SWT1: variants seen among roughly 807,000 people sequenced by gnomAD.
SWT1 encodes SWT1 RNA endoribonuclease homolog, also known as transcriptional protein SWT1.
SWT1 carries 33 observed loss-of-function variants against 107.3 expected under a neutral mutation model. The observed-to-expected ratio is 0.31, with a 90% CI of 0.23 to 0.41. SWT1 has a LOEUF of 0.41. Among genes scored for constraint, SWT1 ranks in the 10% least tolerant of loss-of-function variants. The pLI is 1.00. For synonymous variants in SWT1, 345 were observed against 348.3 expected (o/e 0.99, Z 0.11); for missense variants, 898 against 1,028.9 (o/e 0.87, Z 1.74).
chr1:185,186,126 GGTTGA>G (rs1656444301), intron 9 of SWT1, among the ~76,000 whole-genome samples: 1 of 152,106 alleles, frequency 6.6e-6, no homozygotes. Flanking sequence ...TGTGAAGATT[GGTTGA>G]GTTAATATAT....
intron 17 of SWT1, among the ~76,000 whole-genome samples, chr1:185,272,743 G>C (rs974662891): frequency 2.6e-5 from 4 of 152,220 alleles, no homozygotes; most frequent in Admixed American, 1.3e-4. Flanking sequence ...CAGGCACAGA[G>C]AACTAGTCTT....
chr1:185,163,432 C>T (rs576051491), intron 2 of SWT1, among the ~76,000 whole-genome samples: 11 of 144,554 alleles, frequency 7.6e-5, no homozygotes, highest in African/African-American at 2.3e-4. Flanking sequence ...CTCACTGTGT[C>T]TCCCAGGCTG....
intron 18 of SWT1, among the ~76,000 whole-genome samples, chr1:185,277,900 T>C (rs1409316007): frequency 6.6e-6 from 1 of 152,210 alleles, no homozygotes; most frequent in East Asian, 1.9e-4. Flanking sequence ...TATCACACTA[T>C]ATACTTTTTT....
chr1:185,189,077 C>G (rs974757144), intron 9 of SWT1, among the ~76,000 whole-genome samples: 2 of 152,150 alleles, frequency 1.3e-5, no homozygotes, highest in Admixed American at 1.3e-4. Flanking sequence ...CTCCTGAGCT[C>G]AAGTGGTCCT....
rs367903898 is a variant in SWT1, at chr1:185,221,871, A to G, written c.2144A>G (p.Asn715Ser). Residue 715 changes from asparagine (N) to serine (S), a missense_variant, in exon 15 of 19, where the codon AAT becomes AGT. Physicochemically the swap from Asn to Ser is conservative, Grantham distance 46 (BLOSUM62 1). Around this residue, in one of 6 missense-constraint regions of SWT1, gnomAD observed 382 missense variants for 460.0 expected, o/e 0.83. Coordinates refer to ENST00000367500, the MANE Select transcript of SWT1 (RefSeq NM_017673.7). ...CAGGTCAAGACAAAACTTAAGCCAA[A>G]TTCTTCAGAAAACACAGTGACTAAA... Reference protein sequence around the residue: ...FAEVKTKLKPNSSENTVTKKQ... With the variant: ...FAEVKTKLKPSSSENTVTKKQ... The G allele has an allele frequency of 1.0e-5, 16 of 1,594,142 alleles. No individual in the cohort carries two copies. Among genetic ancestry groups the G allele is most frequent in the Middle Eastern group, 1.7e-4 (1 of 5,978 alleles).
intron 10 of SWT1, among the ~76,000 whole-genome samples, chr1:185,195,913 T>C (rs1236603869): frequency 1.3e-5 from 2 of 152,222 alleles, no homozygotes; most frequent in East Asian, 3.8e-4. Flanking sequence ...AAATGATAGG[T>C]TGCAAAAAAT....
intron 17 of SWT1, among the ~76,000 whole-genome samples, chr1:185,273,354 G>C (rs758325029): frequency 6.7e-6 from 1 of 149,054 alleles, no homozygotes; most frequent in African/African-American, 2.5e-5. Flanking sequence ...GCAGTGAGCC[G>C]AGATTGCACC....
intron 18 of SWT1, among the ~76,000 whole-genome samples, chr1:185,277,770 A>C (rs1000249890): frequency 6.6e-5 from 10 of 151,476 alleles, no homozygotes; most frequent in African/African-American, 2.4e-4. Flanking sequence ...GCTGTAACCT[A>C]CCTTTTATTC....
chr1:185,201,183 A>G (rs191384599), intron 10 of SWT1, among the ~76,000 whole-genome samples: 1 of 152,118 alleles, frequency 6.6e-6, no homozygotes, highest in African/African-American at 2.4e-5. Flanking sequence ...TTAGCTTGCT[A>G]GGCTTCGTGA....
chr1:185,213,547 A>T (rs1354707800), intron 13 of SWT1, among the ~76,000 whole-genome samples: 3 of 152,202 alleles, frequency 2.0e-5, no homozygotes, highest in African/African-American at 7.2e-5. Context: ...TGTGTAAGTG[A>T]TACAGAGAAA....
At chr1:185,199,224 C>T (rs1216785459) in intron 10 of SWT1, among the ~76,000 whole-genome samples, 1 of 152,186 alleles carries the variant, frequency 6.6e-6, no homozygotes, top group Non-Finnish European at 1.5e-5. Flanking sequence ...GCATGAGCCA[C>T]CACGCCTGGC....
At chr1:185,168,129 G>A (rs1654741461) in intron 3 of SWT1, among the ~76,000 whole-genome samples, 1 of 152,120 alleles carries the variant, frequency 6.6e-6, no homozygotes, top group Non-Finnish European at 1.5e-5. Flanking sequence ...GATGACAGAT[G>A]ACTGCTCTGC....
rs1488965125 is a variant in SWT1 at position 185,174,948 on chromosome 1, A to G, written c.801A>G (p.Arg267=). 6.2e-7 allele frequency: 1 copy of G among 1,613,742 alleles called. No homozygotes were observed. Among genetic ancestry groups the G allele is most frequent in the Non-Finnish European group, 8.5e-7 (1 of 1,179,974 alleles). ...SNNSKTKQEE[R]EYLESSQVSL... ...ATTCGAAGACTAAGCAGGAAGAAAG[A>G]GAATACCTGGAAAGCTCCCAGGTTT... Residue 267 remains arginine (R), a synonymous_variant, in exon 5 of 19, where the codon AGA becomes AGG. Coordinates refer to ENST00000367500, the MANE Select transcript of SWT1 (RefSeq NM_017673.7).
intron 1 of SWT1, among the ~76,000 whole-genome samples, chr1:185,158,552 T>A (rs1653855368): frequency 6.6e-6 from 1 of 151,782 alleles, no homozygotes; most frequent in Non-Finnish European, 1.5e-5. Flanking sequence ...TTTTTATTTC[T>A]AAATGACTAG....
intron 17 of SWT1, among the ~76,000 whole-genome samples, chr1:185,273,282 G>A (rs1664012581): frequency 1.3e-5 from 2 of 152,144 alleles, no homozygotes; most frequent in Non-Finnish European, 1.5e-5. Flanking sequence ...GCATGGGCCT[G>A]CAATCCCAGC....
At chr1:185,212,404 G>C (rs1658890437) in intron 13 of SWT1, among the ~76,000 whole-genome samples, 1 of 152,094 alleles carries the variant, frequency 6.6e-6, no homozygotes, top group Admixed American at 6.6e-5. Flanking sequence ...ACGCAGCTGA[G>C]AGGTGGTAGG....
intron 11 of SWT1, 151 bp downstream of exon 11, chr1:185,202,950 G>T: frequency 2.3e-6 from 1 of 443,188 alleles, no homozygotes; most frequent in Non-Finnish European, 3.9e-6. Flanking sequence ...TTGAATAAAT[G>T]GAAGTTATGA....
At chr1:185,159,764 C>A (rs1024783579) in intron 1 of SWT1, among the ~76,000 whole-genome samples, 1 of 152,006 alleles carries the variant, frequency 6.6e-6, no homozygotes, top group Non-Finnish European at 1.5e-5. Context: ...TCGCACTTGT[C>A]ACCCAGGCTG....
At chr1:185,267,170 G>T (rs1663466510) in intron 16 of SWT1, among the ~76,000 whole-genome samples, 1 of 152,150 alleles carries the variant, frequency 6.6e-6, no homozygotes, top group Non-Finnish European at 1.5e-5. Context: ...CTGAAAAGTG[G>T]TTATTATATA....
Sources: gnomAD v4.1 joint callset for allele counts (sites outside exome capture counted in the v4.1 genomes callset) on GRCh38, gnomAD v4.1.1 for gene constraint, gnomAD v4.1.1 regional missense constraint, MANE v1.5 for transcripts, NCBI Gene and HGNC (gene_info 2026-07-23, HGNC 2026-07-21) for gene names.